The following DYM variants were observed in gnomAD, a reference collection of about 807,000 sequenced individuals.
DYM encodes the protein dyggve-Melchior-Clausen syndrome protein.
DYM carries 78 observed loss-of-function variants against 93.1 expected under a neutral mutation model. The observed-to-expected ratio is 0.84, with a 90% confidence interval of 0.70 to 1.01. The LOEUF is 1.01. Among genes scored for constraint, DYM ranks in the 50% least tolerant of loss-of-function variants. DYM has a pLI of 0.00. For missense variants in DYM, 789 were observed against 845.0 expected (o/e 0.93, Z 0.82); for synonymous variants, 321 against 319.7 (o/e 1.00, Z -0.04).
At chr18:49,444,140 A>G (rs2081903745) in intron 1 of DYM, among the ~76,000 whole-genome samples, 1 of 152,194 alleles carries the variant, frequency 6.6e-6, no homozygotes, top group South Asian at 2.1e-4. Context: ...TATTAATCAT[A>G]TTCTCAATCA....
chr18:49,399,947 T>C (rs1400550018), intron 2 of DYM, among the ~76,000 whole-genome samples: 1 of 136,112 alleles, frequency 7.3e-6, no homozygotes, highest in African/African-American at 2.7e-5. Context: ...TTTTTTTTTT[T>C]TTTTTTTTTT....
chr18:49,053,868 G>GA lies in DYM; in HGVS notation c.2026-9665dup, dbSNP rs1216735143. 2.0e-5 allele frequency among the ~76,000 whole-genome samples: 3 copies of GA among 152,172 alleles called. No individual in the cohort carries two copies. The East Asian group carries it at 5.8e-4, about 29-fold the overall frequency. On this transcript the variant is annotated intron_variant, in intron 17 of 17. Coordinates refer to ENST00000675505, the MANE Select transcript of DYM (RefSeq NM_001353214.3). ...TTGCTTGGCTGTAGAGGAAAGAGAG[G>GA]AATAACTTCTGCTCCTTGAACAGGG...
chr18:49,414,893 G>A (rs2072740594), intron 2 of DYM, among the ~76,000 whole-genome samples: 1 of 152,140 alleles, frequency 6.6e-6, no homozygotes, highest in South Asian at 2.1e-4. Flanking sequence ...TGAGAGCAGG[G>A]ACTTTGTCAC....
chr18:49,161,360 C>A (rs1471681913), intron 15 of DYM, among the ~76,000 whole-genome samples: 2 of 152,140 alleles, frequency 1.3e-5, no homozygotes, highest in African/African-American at 2.4e-5. Flanking sequence ...TTTTATAGAT[C>A]TCTGATTAAA....
At chr18:49,315,139 C>G (rs909817802) in intron 8 of DYM, among the ~76,000 whole-genome samples, 3 of 151,568 alleles carry the variant, frequency 2.0e-5, no homozygotes, top group African/African-American at 7.3e-5. Flanking sequence ...CGCTTAAGCC[C>G]GAGAGGCGGA....
At chr18:49,276,022 T>C (rs1433823231) in intron 10 of DYM, among the ~76,000 whole-genome samples, 1 of 152,186 alleles carries the variant, frequency 6.6e-6, no homozygotes, top group Non-Finnish European at 1.5e-5. Context: ...CAAATACAGA[T>C]AATTTTACAC....
At chr18:49,080,217 C>A in intron 17 of DYM, among the ~76,000 whole-genome samples, 1 of 99,964 alleles carries the variant, frequency 1.0e-5, no homozygotes, top group African/African-American at 3.8e-5. Flanking sequence ...GGCTGACCCC[C>A]CAACCTCCCT....
At chr18:49,310,212 C>T (rs1000827065) in intron 8 of DYM, among the ~76,000 whole-genome samples, 1 of 152,086 alleles carries the variant, frequency 6.6e-6, no homozygotes, top group Non-Finnish European at 1.5e-5. Flanking sequence ...ATTTAATTAG[C>T]TAAGTTTATA....
At chr18:49,317,594 TCTCCCCCCTCCCCCCTC>T (rs2062058395) in intron 8 of DYM, among the ~76,000 whole-genome samples, 2 of 28,042 alleles carry the variant, frequency 7.1e-5, no homozygotes, top group African/African-American at 3.3e-4. Flanking sequence ...TCTCTCTCTC[TCTCCCCCCTCCCCCCTC>T]CCTCCCTCCC....
chr18:49,369,694 G>A (rs569848427), intron 5 of DYM, among the ~76,000 whole-genome samples: 1 of 152,258 alleles, frequency 6.6e-6, no homozygotes, highest in Non-Finnish European at 1.5e-5. Flanking sequence ...AAGCAAACAT[G>A]CATGTTTAAT....
intron 1 of DYM, among the ~76,000 whole-genome samples, chr18:49,454,310 A>C (rs2082781419): frequency 1.3e-5 from 2 of 152,176 alleles, no homozygotes; most frequent in Admixed American, 6.5e-5. Flanking sequence ...TTTTAATGAA[A>C]AGCAGCCCCA....
chr18:49,234,096 T>G (rs2093788927), intron 13 of DYM, among the ~76,000 whole-genome samples: 1 of 151,948 alleles, frequency 6.6e-6, no homozygotes, highest in Admixed American at 6.6e-5. Context: ...ACCACTGCAC[T>G]CCAGCCTGGG....
At chr18:49,077,150 A>G (rs1182097408) in intron 17 of DYM, among the ~76,000 whole-genome samples, 1 of 152,224 alleles carries the variant, frequency 6.6e-6, no homozygotes, top group African/African-American at 2.4e-5. Flanking sequence ...GATAAAATTT[A>G]CTAATTTTAA....
At chr18:49,106,588 T>C (rs2080837876) in intron 16 of DYM, among the ~76,000 whole-genome samples, 1 of 152,242 alleles carries the variant, frequency 6.6e-6, no homozygotes, top group Non-Finnish European at 1.5e-5. Flanking sequence ...GGAGCTCTTT[T>C]AGGGCAGGCC....
intron 3 of DYM, chr18:49,390,932 T>A (rs981832490): frequency 6.5e-6 from 1 of 154,374 alleles, no homozygotes; most frequent in Non-Finnish European, 1.4e-5. Context: ...GCCTGCATTT[T>A]AAAAATATAT....
At chr18:49,219,277 CAA>C (rs950641896) in intron 13 of DYM, among the ~76,000 whole-genome samples, 27 of 152,014 alleles carry the variant, frequency 1.8e-4, no homozygotes, top group Non-Finnish European at 1.0e-4. Flanking sequence ...GCTTACCAAC[CAA>C]AAAGAGTCCA....
At chr18:49,129,619 A>T (rs2083193163) in intron 15 of DYM, among the ~76,000 whole-genome samples, 1 of 152,124 alleles carries the variant, frequency 6.6e-6, no homozygotes, top group South Asian at 2.1e-4. Flanking sequence ...GATGCAAGAG[A>T]TTTTATGTTC....
Position 49,430,350 on chromosome 18 carries a change from C to T in DYM, c.45G>A (p.Glu15=). ...SSRIGDLPKN[E]YLKKLSGTES... ...CCGTGCCTGATAACTTTTTCAAGTA[C>T]TCATTTTTAGGAAGATCGCCGATTC... The change falls in exon 2 of 18, where the codon GAG becomes GAA. Residue 15 remains glutamate, a synonymous_variant. Coordinates refer to ENST00000675505, the MANE Select transcript of DYM (RefSeq NM_001353214.3). 1 of 1,614,014 alleles carries T rather than the reference C, an allele frequency of 6.2e-7. No individual in the cohort carries two copies. Among genetic ancestry groups the T allele is most frequent in the South Asian group, 1.1e-5 (1 of 91,084 alleles).
At chr18:49,144,960 C>T (rs546228520) in intron 15 of DYM, among the ~76,000 whole-genome samples, 4 of 150,382 alleles carry the variant, frequency 2.7e-5, no homozygotes, top group South Asian at 2.1e-4. Flanking sequence ...CTTAGTTGAG[C>T]GTGGTGATGC....
Sources: gnomAD v4.1 joint callset for allele counts (sites outside exome capture counted in the v4.1 genomes callset) on GRCh38, gnomAD v4.1.1 for gene constraint, MANE v1.5 for transcripts, NCBI Gene and HGNC (gene_info 2026-07-23, HGNC 2026-07-21) for gene names.